The following ABR variants were observed in gnomAD, a reference collection of about 807,000 sequenced individuals.
The protein encoded by ABR is ABR activator of RhoGEF and GTPase, also known as active breakpoint cluster region-related protein.
A neutral mutation model predicts 107.2 loss-of-function variants in ABR; 35 were observed. The observed-to-expected ratio is 0.33, with a 90% CI of 0.25 to 0.43. ABR has a LOEUF of 0.43. Among genes scored for constraint, ABR ranks in the 20% least tolerant of loss-of-function variants. The pLI, the probability that ABR is intolerant of heterozygous loss-of-function variation, is 1.00. For missense variants in ABR, 815 were observed against 1,115.2 expected (o/e 0.73, Z 3.83); for synonymous variants, 498 against 462.0 (o/e 1.08, Z -1.00).
intron 2 of ABR, among the ~76,000 whole-genome samples, chr17:1,106,387 G>C (rs1364184159): frequency 6.6e-6 from 1 of 151,034 alleles, no homozygotes; most frequent in East Asian, 2.0e-4. Flanking sequence ...TGCAGCCCAG[G>C]ACAGGAGTGT....
intron 1 of ABR, among the ~76,000 whole-genome samples, chr17:1,215,584 C>G (rs1230272809): frequency 1.3e-5 from 2 of 151,990 alleles, no homozygotes; most frequent in Non-Finnish European, 2.9e-5. Context: ...GATCTCGGCT[C>G]ACTATAACCT....
At chr17:1,193,974 G>T (rs545622834) in intron 1 of ABR, among the ~76,000 whole-genome samples, 2 of 152,106 alleles carry the variant, frequency 1.3e-5, no homozygotes, top group Non-Finnish European at 2.9e-5. Context: ...GATAACAGGC[G>T]TGAGCCCCGC....
At chr17:1,109,098 G>A (rs773652556) in intron 2 of ABR, 1 of 1,570,604 alleles carries the variant, frequency 6.4e-7, no homozygotes, top group South Asian at 1.1e-5. Flanking sequence ...GGGCAGACAG[G>A]AAGCGGGGTC....
intron 1 of ABR, among the ~76,000 whole-genome samples, chr17:1,158,035 T>C (rs2041116674): frequency 6.6e-6 from 1 of 152,196 alleles, no homozygotes; most frequent in Admixed American, 6.5e-5. Context: ...GATTTTCCAC[T>C]ATGGATTCTC....
chr17:1,219,439 G>A (rs931335446), intron 1 of ABR, among the ~76,000 whole-genome samples: 1 of 151,454 alleles, frequency 6.6e-6, no homozygotes, highest in Non-Finnish European at 1.5e-5. Context: ...GAACCATCCT[G>A]TAAGGCTGAT....
At chr17:1,057,238 T>G in intron 12 of ABR, 136 bp from the exon 13 acceptor site, 2 of 604,034 alleles carry the variant, frequency 3.3e-6, no homozygotes, top group Non-Finnish European at 6.0e-6. Context: ...GGGGAAGGAT[T>G]TGTGGACACA....
chr17:1,168,492 C>A (rs1314551711), intron 1 of ABR, among the ~76,000 whole-genome samples: 1 of 152,066 alleles, frequency 6.6e-6, no homozygotes, highest in Non-Finnish European at 1.5e-5. Context: ...TGGTGAGAGG[C>A]CTTACTGGCT....
At position 1,012,349 on chromosome 17, in the gene ABR, G is replaced by A. The variant is rs761126897; in HGVS notation, c.1961+339C>T. The A allele has an allele frequency of 1.7e-5, 11 of 645,806 alleles. No individual in the cohort carries two copies. The East Asian group carries it at 1.9e-4, about 11-fold the overall frequency. The allele number at this position is 645,806 out of a possible 1,614,324, so 40.0% of individuals were successfully genotyped here. A position where few individuals can be genotyped will look rare whatever the true frequency, so the allele number is the denominator to read the frequency against. On this transcript the variant is annotated intron_variant, in intron 18 of 22. Transcript: ENST00000302538. The stretch of plus-strand genomic sequence containing the variant: ...AGGGGCCAGGGTGGTGGTGAACCGG[G>A]GGACACGTGCCCTTTCCCGAGGGGC...
chr17:1,197,902 T>C (rs2042599161), intron 1 of ABR, among the ~76,000 whole-genome samples: 1 of 151,618 alleles, frequency 6.6e-6, no homozygotes, highest in Admixed American at 6.6e-5. Flanking sequence ...ACCACTGGCT[T>C]TGGGGGCAAA....
chr17:1,070,001 T>G lies in ABR; in HGVS notation c.984A>C (p.Leu328=). 1 of 1,609,898 alleles carries G rather than the reference T, an allele frequency of 6.2e-7. No individual in the cohort carries two copies. Among genetic ancestry groups the G allele is most frequent in the East Asian group, 2.2e-5 (1 of 44,550 alleles). Residue 328 remains leucine, a synonymous_variant, in exon 9 of 23, where the codon CTA becomes CTC. Coordinates refer to ENST00000302538, the MANE Select transcript of ABR (RefSeq NM_021962.5). The surrounding 1 kb of genome is among the most constrained non-coding windows in gnomAD (Gnocchi z 4.2). ...LRHVFLFTDV[L]LCAKLKKTSA... ...AGGTCTTCTTCAGCTTGGCACACAG[T>G]AGGACATCTGTAAAGAGGAAGACGT...
intron 10 of ABR, among the ~76,000 whole-genome samples, chr17:1,059,217 G>A (rs530829180): frequency 6.6e-6 from 1 of 152,126 alleles, no homozygotes; most frequent in Non-Finnish European, 1.5e-5. Flanking sequence ...GGTCACCAGA[G>A]ACCACTCCTC....
intron 1 of ABR, among the ~76,000 whole-genome samples, chr17:1,175,999 G>A (rs896714525): frequency 2.0e-5 from 3 of 152,170 alleles, no homozygotes; most frequent in African/African-American, 7.2e-5. Context: ...GCTGAGGCAG[G>A]AGAATGGCGT....
rs113967146 is a variant in ABR, at chr17:1,030,568, A to C, written c.1792-17404T>G. Among the ~76,000 whole-genome samples, 335 of 152,312 alleles carry C rather than the reference A, an allele frequency of 2.2e-3. 2 individuals are homozygous for C. Among genetic ancestry groups the C allele is most frequent in the African/African-American group, 7.4e-3 (307 of 41,580 alleles). On this transcript the variant is annotated intron_variant, in intron 16 of 22. Transcript: ENST00000302538. Reference sequence around the variant, plus strand: ...AGCTCAAGTTGCTGCCCTGCCCAGCACTTTCCAGGGCTGATGTCACCTCTG... The same window carrying C: ...AGCTCAAGTTGCTGCCCTGCCCAGCCCTTTCCAGGGCTGATGTCACCTCTG...
rs896784754 is a variant in ABR, at chr17:1,025,870, G to A, written c.1792-12706C>T. ...TCCCTAGTTCCTGCAGGCCTGGCAC[G>A]TGGAAGGTGCTCCGGCAATACTCAC... On this transcript the variant is annotated intron_variant, in intron 16 of 22. Transcript: ENST00000302538. Among the ~76,000 whole-genome samples, 5 of 152,274 alleles carry A rather than the reference G, an allele frequency of 3.3e-5. 1 individual carries two copies. The highest frequency in any genetic ancestry group is 3.9e-4 in the East Asian group (2 of 5,166).
chr17:1,213,957 G>A (rs1332690147), intron 1 of ABR, among the ~76,000 whole-genome samples: 1 of 151,848 alleles, frequency 6.6e-6, no homozygotes, highest in Non-Finnish European at 1.5e-5. Flanking sequence ...GCACAATCTC[G>A]GCTCACTGCA....
rs906592458 is a variant in ABR at position 1,092,343 on chromosome 17, G to A, written c.346-493C>T. Among the ~76,000 whole-genome samples, 17 of 151,804 alleles carry A rather than the reference G, an allele frequency of 1.1e-4. No individual in the cohort carries two copies. The highest frequency in any genetic ancestry group is 7.2e-4 in the Admixed American group (11 of 15,268). ...AGTCTTGGCCTCACTGATGTTCCAA[G>A]TTCCCGTCACTTGGCACAGGGAGAG... On this transcript the variant is annotated intron_variant, in intron 3 of 22. Coordinates refer to ENST00000302538, the MANE Select transcript of ABR (RefSeq NM_021962.5). The surrounding 1 kb of genome is among the most constrained non-coding windows in gnomAD (Gnocchi z 4.6).
chr17:1,018,252 C>G (rs537584351), intron 16 of ABR, among the ~76,000 whole-genome samples: 5 of 151,684 alleles, frequency 3.3e-5, no homozygotes, highest in East Asian at 2.0e-4. Context: ...CCGTGTTAGC[C>G]AGGATGGTCT....
intron 1 of ABR, among the ~76,000 whole-genome samples, chr17:1,217,983 C>T (rs2043046104): frequency 6.6e-6 from 1 of 152,154 alleles, no homozygotes; most frequent in South Asian, 2.1e-4. Flanking sequence ...GAACGTGCTA[C>T]CACGCCCGAC....
rs181626928 is a variant in ABR at position 1,027,900 on chromosome 17, C to A, written c.1792-14736G>T. ...AGACTGGATTATAAAATAAAGTAGACGAGCCCAAGACATATCTGTATCTTG... is the reference window on the plus strand; with the variant it reads ...AGACTGGATTATAAAATAAAGTAGAAGAGCCCAAGACATATCTGTATCTTG... On this transcript the variant is annotated intron_variant, in intron 16 of 22. Coordinates refer to ENST00000302538, the MANE Select transcript of ABR (RefSeq NM_021962.5). This position sits in a 1 kb window ranked among gnomAD's most constrained non-coding sequence, Gnocchi z 4.7. 1.3e-3 allele frequency among the ~76,000 whole-genome samples: 196 copies of A among 152,148 alleles called. No homozygotes were observed. The highest frequency in any genetic ancestry group is 2.1e-3 in the Non-Finnish European group (141 of 68,008).
Sources: allele counts gnomAD v4.1 joint callset (sites outside exome capture counted in the v4.1 genomes callset), GRCh38; gene constraint gnomAD v4.1.1; non-coding constraint Gnocchi (gnomAD v3.1); transcripts MANE v1.5; gene names NCBI Gene and HGNC (gene_info 2026-07-23, HGNC 2026-07-21).